Variants in FBXW8 observed in about 807,000 individuals in gnomAD.
FBXW8 encodes F-box/WD repeat-containing protein 8.
FBXW8 carries 57 observed loss-of-function variants against 65.3 expected under a neutral mutation model. The observed-to-expected ratio is 0.87, with a 90% CI of 0.71 to 1.09. The LOEUF (loss-of-function observed/expected upper bound fraction) is 1.09. Ranked by LOEUF, FBXW8 falls within the 50% of genes least tolerant of loss-of-function variation. The pLI is 0.00. For synonymous variants in FBXW8, 308 were observed against 330.2 expected (o/e 0.93, Z 0.73); for missense variants, 777 against 814.8 (o/e 0.95, Z 0.57).
At chr12:116,915,668 T>TTTTG (rs1880350039) in intron 1 of FBXW8, among the ~76,000 whole-genome samples, 2 of 90,186 alleles carry the variant, frequency 2.2e-5, no homozygotes, top group African/African-American at 3.5e-5. Context: ...TTTTTTTTTT[T>TTTTG]GGGAGATAGA....
chr12:116,952,767 TCACTCTGTCGCC>T (rs1883371832), intron 4 of FBXW8, among the ~76,000 whole-genome samples: 1 of 152,254 alleles, frequency 6.6e-6, no homozygotes, highest in African/African-American at 2.4e-5. Context: ...AGACACAGTC[TCACTCTGTCGCC>T]CAGGCTGGAG....
chr12:117,022,263 A>C (rs1209910982), intron 8 of FBXW8, among the ~76,000 whole-genome samples: 1 of 152,000 alleles, frequency 6.6e-6, no homozygotes, highest in African/African-American at 2.4e-5. Context: ...CCAGAAAGCC[A>C]TTTACTCATC....
chr12:116,914,062 G>C (rs1303342230), intron 1 of FBXW8, among the ~76,000 whole-genome samples: 3 of 152,076 alleles, frequency 2.0e-5, no homozygotes, highest in Non-Finnish European at 4.4e-5. Flanking sequence ...CTTGAGCCCA[G>C]GAGTTCAAGA....
rs544822088 is a variant in FBXW8, at chr12:117,026,689, A to G, written c.1542-705A>G. 9.9e-5 allele frequency among the ~76,000 whole-genome samples: 15 copies of G among 152,234 alleles called. No individual in the cohort carries two copies. The South Asian group carries it at 2.9e-3, about 29-fold the overall frequency. ...TGTAGCTTGTAACATCGCTCGTGCT[A>G]CAGAAACAATGGTCATGTTTTCTGG... On this transcript the variant is annotated intron_variant, in intron 9 of 10. Transcript: ENST00000652555.
chr12:116,996,932 G>A (rs994007147), intron 7 of FBXW8, among the ~76,000 whole-genome samples: 7 of 152,188 alleles, frequency 4.6e-5, no homozygotes, highest in Non-Finnish European at 7.3e-5. Context: ...TAAAGGAGGC[G>A]TGTTGAGATG....
intron 7 of FBXW8, among the ~76,000 whole-genome samples, chr12:116,995,681 G>A (rs1953357447): frequency 6.6e-6 from 1 of 152,088 alleles, no homozygotes; most frequent in Non-Finnish European, 1.5e-5. Flanking sequence ...CTTAGGTTCT[G>A]ATGTTGCATT....
intron 4 of FBXW8, among the ~76,000 whole-genome samples, chr12:116,955,609 T>C (rs1186546231): frequency 2.0e-5 from 3 of 152,216 alleles, no homozygotes; most frequent in Non-Finnish European, 4.4e-5. Flanking sequence ...GTTTCTTTGA[T>C]TTATTGTGGT....
rs562600639 is a variant in FBXW8 at position 116,926,500 on chromosome 12, C to G, written c.319-1523C>G. On this transcript the variant is annotated intron_variant, in intron 1 of 10. Transcript: ENST00000652555. ...CAGGAGTCTCAAGTTGTATCTGGGC[C>G]GAGAGAGAAAGTGATGCCTCTTTTT... Among the ~76,000 whole-genome samples the G allele has an allele frequency of 3.3e-5, 5 of 152,070 alleles. No homozygotes were observed. In the South Asian group the frequency reaches 1.0e-3, roughly 32 times the overall value.
intron 2 of FBXW8, among the ~76,000 whole-genome samples, chr12:116,944,814 A>T (rs1017931882): frequency 3.3e-5 from 5 of 152,244 alleles, no homozygotes; most frequent in African/African-American, 1.2e-4. Flanking sequence ...ACAGTCCTGG[A>T]TAATGGCTTG....
intron 1 of FBXW8, among the ~76,000 whole-genome samples, chr12:116,915,957 G>A (rs114438624): frequency 1.3e-3 from 198 of 152,206 alleles, no homozygotes; most frequent in Middle Eastern, 6.8e-3. Context: ...GGCCTCACCT[G>A]ACTTCTAACA....
chr12:116,976,825 A>C (rs905912709), intron 5 of FBXW8, among the ~76,000 whole-genome samples: 1 of 152,138 alleles, frequency 6.6e-6, no homozygotes, highest in Non-Finnish European at 1.5e-5. Context: ...CTTACAACTT[A>C]GGACAAAAAA....
intron 5 of FBXW8, among the ~76,000 whole-genome samples, chr12:116,975,979 CAGCGTTAATTTCCT>C (rs1884902804): frequency 6.6e-6 from 1 of 152,188 alleles, no homozygotes; most frequent in African/African-American, 2.4e-5. Flanking sequence ...TATGTTGCAT[CAGCGTTAATTTCCT>C]GGCTTCCATC....
intron 7 of FBXW8, among the ~76,000 whole-genome samples, chr12:117,005,081 G>C (rs967321380): frequency 1.3e-5 from 2 of 152,240 alleles, no homozygotes; most frequent in Non-Finnish European, 2.9e-5. Context: ...ACTGGATGTA[G>C]TTGGGGCACT....
At chr12:116,951,098 C>G (rs1883247764) in intron 4 of FBXW8, 1 of 152,398 alleles carries the variant, frequency 6.6e-6, no homozygotes, top group Middle Eastern at 3.3e-3. Flanking sequence ...CCTTCTCTCT[C>G]TGCCTCTCTG....
At chr12:116,988,613 A>G in intron 6 of FBXW8, 50 bp from the exon 7 acceptor site, 1 of 1,553,640 alleles carries the variant, frequency 6.4e-7, no homozygotes, top group Non-Finnish European at 8.9e-7. Context: ...CATATTTTTG[A>G]TCAAGTCAGG....
chr12:116,941,106 G>GT (rs1882534939), intron 2 of FBXW8, among the ~76,000 whole-genome samples: 6 of 152,356 alleles, frequency 3.9e-5, no homozygotes, highest in African/African-American at 1.2e-4. Context: ...TTTCTAGACA[G>GT]TGGAAGGAAG....
At chr12:116,954,419 A>G (rs919930383) in intron 4 of FBXW8, among the ~76,000 whole-genome samples, 4 of 152,064 alleles carry the variant, frequency 2.6e-5, no homozygotes, top group Non-Finnish European at 5.9e-5. Flanking sequence ...ATTATACCCC[A>G]ATTTCCCTAT....
chr12:116,916,199 C>G (rs888182106), intron 1 of FBXW8, among the ~76,000 whole-genome samples: 3 of 152,088 alleles, frequency 2.0e-5, no homozygotes, highest in African/African-American at 4.8e-5. Context: ...AAAATGTGTC[C>G]ACATTTTTCC....
intron 1 of FBXW8, among the ~76,000 whole-genome samples, chr12:116,914,992 CATT>C (rs1488443938): frequency 1.3e-5 from 2 of 152,238 alleles, no homozygotes; most frequent in Non-Finnish European, 2.9e-5. Flanking sequence ...GGTTTAGAGA[CATT>C]ATCGTCTTCA....
Sources: allele counts gnomAD v4.1 joint callset (sites outside exome capture counted in the v4.1 genomes callset), GRCh38; gene constraint gnomAD v4.1.1; transcripts MANE v1.5; gene names NCBI Gene and HGNC (gene_info 2026-07-23, HGNC 2026-07-21).